Variants in LRPAP1 observed in about 807,000 individuals in gnomAD.
LRPAP1 encodes LDL receptor related protein associated protein 1, also known as alpha-2-macroglobulin receptor-associated protein.
Under a neutral mutation model 39.9 loss-of-function variants are expected in LRPAP1, and 41 were observed. The ratio of observed to expected loss-of-function variants is 1.03; its 90% CI spans 0.80 to 1.33. LRPAP1 has a LOEUF of 1.33. LRPAP1 is among the 40% of genes most tolerant of loss of function. The pLI, the probability that LRPAP1 is intolerant of heterozygous loss-of-function variation, is 0.00. For synonymous variants in LRPAP1, 263 were observed against 212.7 expected (o/e 1.24, Z -2.06); for missense variants, 565 against 482.3 (o/e 1.17, Z -1.61).
rs377265655 is a variant in LRPAP1, at chr4:3,516,263, G to A, written c.752-65C>T. 1.6e-5 allele frequency: 21 copies of A among 1,297,904 alleles called. No individual in the cohort carries two copies. In the East Asian group the frequency reaches 2.1e-4, roughly 13 times the overall value. The allele number at this position is 1,297,904 out of a possible 1,614,324, so 80.4% of individuals were successfully genotyped here. A position where few individuals can be genotyped will look rare whatever the true frequency, so the allele number is the denominator to read the frequency against. ...GGTGCACACCACAGCCAGCCCCGCGGCAACCACGCTGAGTGTGCGTGGAGC... is the reference window on the plus strand; with the variant it reads ...GGTGCACACCACAGCCAGCCCCGCGACAACCACGCTGAGTGTGCGTGGAGC... On this transcript the variant is annotated intron_variant, in intron 5 of 7. Coordinates refer to ENST00000650182, the MANE Select transcript of LRPAP1 (RefSeq NM_002337.4).
chr4:3,521,843 T>G (rs2108692513), intron 2 of LRPAP1, among the ~76,000 whole-genome samples: 1 of 152,276 alleles, frequency 6.6e-6, no homozygotes, highest in East Asian at 1.9e-4. Context: ...ATACCTGAAA[T>G]AACTATTTTA....
Position 3,506,608 on chromosome 4 carries a change from G to A in LRPAP1, c.*6366C>T, listed in dbSNP as rs901138812. On this transcript the variant is annotated 3_prime_UTR_variant, in exon 8 of 8. Coordinates refer to ENST00000650182, the MANE Select transcript of LRPAP1 (RefSeq NM_002337.4). ...GCTGGTCTCAAACTCCTGACCTCAC[G>A]TGATCCGCCCACCTCCACCTCCCAA... 3.3e-5 allele frequency: 5 copies of A among 151,918 alleles called. No individual in the cohort carries two copies. Among genetic ancestry groups the A allele is most frequent in the Admixed American group, 6.6e-5 (1 of 15,230 alleles). The allele number at this position is 151,918 out of a possible 1,614,324, so 9.4% of individuals were successfully genotyped here.
chr4:3,518,787 A>G (rs1729811580), intron 4 of LRPAP1, 84 bp downstream of exon 4: 12 of 897,636 alleles, frequency 1.3e-5, no homozygotes, highest in Non-Finnish European at 1.8e-5. Context: ...CTGCCCACTG[A>G]GCACAACGAG....
intron 2 of LRPAP1, among the ~76,000 whole-genome samples, chr4:3,522,650 T>C (rs1377570466): frequency 1.3e-4 from 13 of 99,726 alleles, no homozygotes; most frequent in South Asian, 3.7e-4. Context: ...ACCCCCTGCC[T>C]GGGGAGGACG....
At chr4:3,526,190 G>A (rs968306133) in intron 1 of LRPAP1, among the ~76,000 whole-genome samples, 1 of 152,194 alleles carries the variant, frequency 6.6e-6, no homozygotes, top group Non-Finnish European at 1.5e-5. Context: ...ACTGTGCAGT[G>A]CAGATCCCCA....
rs1466146455 is a variant in LRPAP1 at position 3,509,813 on chromosome 4, C to T, written c.*3161G>A. On this transcript the variant is annotated 3_prime_UTR_variant, in exon 8 of 8. Transcript: ENST00000650182. ...GACTGGAGTCACACACGGCAGTCAACGCGTGGACACTGGAGACTGTTGAGA... is the reference window on the plus strand; with the variant it reads ...GACTGGAGTCACACACGGCAGTCAATGCGTGGACACTGGAGACTGTTGAGA... The T allele has an allele frequency of 2.2e-5, 3 of 138,186 alleles. No individual in the cohort carries two copies. Among genetic ancestry groups the T allele is most frequent in the South Asian group, 2.5e-4 (1 of 3,980 alleles). 8.6% of individuals were successfully genotyped at this position (138,186 alleles called of 1,614,324 possible).
rs1280413181 is a variant in LRPAP1, at chr4:3,506,870, T to C, written c.*6104A>G. ...AAATAGCAAGCCAGAGGATCGGAAA[T>C]TATTCACAACACATATCTGAGGAAG... On this transcript the variant is annotated 3_prime_UTR_variant, in exon 8 of 8. Transcript: ENST00000650182. 6.6e-6 allele frequency: 1 copy of C among 152,138 alleles called. No individual in the cohort carries two copies. The highest frequency in any genetic ancestry group is 1.5e-5 in the Non-Finnish European group (1 of 68,012). The allele number at this position is 152,138 out of a possible 1,614,324, so 9.4% of individuals were successfully genotyped here. A position where few individuals can be genotyped will look rare whatever the true frequency, so the allele number is the denominator to read the frequency against.
Position 3,521,074 on chromosome 4 carries a change from C to A in LRPAP1, c.350-881G>T, listed in dbSNP as rs1729895443. On this transcript the variant is annotated intron_variant, in intron 2 of 7. Transcript: ENST00000650182. Reference sequence around the variant, plus strand: ...AGGCCCCAATTCCCACTTCCAAGTCCTGTGCTGTGGCTCTGTGTGACAGGC... The same window carrying A: ...AGGCCCCAATTCCCACTTCCAAGTCATGTGCTGTGGCTCTGTGTGACAGGC... Among the ~76,000 whole-genome samples the A allele has an allele frequency of 2.6e-5, 4 of 152,226 alleles. No homozygotes were observed. The South Asian group carries it at 8.3e-4, about 31-fold the overall frequency.
chr4:3,513,234 G>A (rs1729589249), intron 7 of LRPAP1, among the ~76,000 whole-genome samples, 198 bp from the exon 8 acceptor site: 1 of 152,234 alleles, frequency 6.6e-6, no homozygotes, highest in Non-Finnish European at 1.5e-5. Flanking sequence ...TCCCACCAAA[G>A]AACGCTAAGA....
chr4:3,521,613 T>C (rs1177973556), intron 2 of LRPAP1, among the ~76,000 whole-genome samples: 1 of 152,162 alleles, frequency 6.6e-6, no homozygotes, highest in South Asian at 2.1e-4. Context: ...GCCTGGGCCA[T>C]GGGGGTCTCA....
intron 1 of LRPAP1, among the ~76,000 whole-genome samples, chr4:3,527,436 G>A (rs1329857200): frequency 6.7e-6 from 1 of 149,020 alleles, no homozygotes; most frequent in African/African-American, 2.4e-5. Flanking sequence ...AGGAGGAGGG[G>A]GAGCCCACAC....
rs928770950 is a variant in LRPAP1, at chr4:3,532,282, G to A, written c.131C>T (p.Pro44Leu). The A allele has an allele frequency of 5.1e-6, 8 of 1,560,358 alleles. No individual in the cohort carries two copies. The highest frequency in any genetic ancestry group is 1.4e-5 in the African/African-American group (1 of 73,802). Residue 44 changes from proline (P) to leucine (L), a missense_variant, in exon 1 of 8, where the codon CCG becomes CTG. Coordinates refer to ENST00000650182, the MANE Select transcript of LRPAP1 (RefSeq NM_002337.4). ...CTCTCCGGACTCGCGTTTCGGGGAC[G>A]GCTTGGGCTGGTTCTTCTCCCGCGA... ...KYSREKNQPKPSPKRESGEEF... is the reference protein window; with the variant it reads ...KYSREKNQPKLSPKRESGEEF...
Position 3,522,617 on chromosome 4 carries a change from G to C in LRPAP1, c.349+2290C>G, listed in dbSNP as rs1308062409. On this transcript the variant is annotated intron_variant, in intron 2 of 7. Coordinates refer to ENST00000650182, the MANE Select transcript of LRPAP1 (RefSeq NM_002337.4). ...GGACGCCGCCCCACACCCCCTGCCT[G>C]GGGAGGACAGACGCCGCCCCACACC... Among the ~76,000 whole-genome samples the C allele has an allele frequency of 2.8e-5, 4 of 142,584 alleles. 1 individual carries two copies. The highest frequency in any genetic ancestry group is 1.0e-4 in the African/African-American group (4 of 38,422). The allele number at this position is 142,584 out of a possible 152,430, so 93.5% of individuals were successfully genotyped here. A position where few individuals can be genotyped will look rare whatever the true frequency, so the allele number is the denominator to read the frequency against.
At position 3,524,946 on chromosome 4, in the gene LRPAP1, C is replaced by A; in HGVS notation, c.310G>T (p.Asp104Tyr). The change falls in exon 2 of 8, where the codon GAT (aspartate) becomes TAT (tyrosine). Residue 104 changes from aspartate to tyrosine, a missense_variant. Coordinates refer to ENST00000650182, the MANE Select transcript of LRPAP1 (RefSeq NM_002337.4). Reference sequence around the variant, plus strand: ...ATGAGTCTCGCTTCCTTCTCCCCATCTTCGTCCAAGCCGTCAAGCTTTAGT... The same window carrying A: ...ATGAGTCTCGCTTCCTTCTCCCCATATTCGTCCAAGCCGTCAAGCTTTAGT... The part of the protein sequence containing the change: ...KKLKLDGLDE[D>Y]GEKEARLIRN... 6.2e-7 allele frequency: 1 copy of A among 1,614,218 alleles called. No individual in the cohort carries two copies. The highest frequency in any genetic ancestry group is 8.5e-7 in the Non-Finnish European group (1 of 1,180,040).
In LRPAP1 at chr4:3,511,607, A is replaced by AAATGGACACCAGCCT. The variant is rs1729516430; in HGVS notation, c.*1366_*1367insAGGCTGGTGTCCATT. 6.6e-6 allele frequency: 1 copy of AAATGGACACCAGCCT among 152,244 alleles called. No individual in the cohort carries two copies. Among genetic ancestry groups the AAATGGACACCAGCCT allele is most frequent in the Non-Finnish European group, 1.5e-5 (1 of 68,080 alleles). The allele number at this position is 152,244 out of a possible 1,614,324, so 9.4% of individuals were successfully genotyped here. A position where few individuals can be genotyped will look rare whatever the true frequency, so the allele number is the denominator to read the frequency against. ...TCCCGACATGCTGCCTCTAGCCTTG[A>AAATGGACACCAGCCT]CCTTTCTCAGAAATGATAGCTTAGC... On this transcript the variant is annotated 3_prime_UTR_variant, in exon 8 of 8. Transcript: ENST00000650182.
rs942890054 is a variant in LRPAP1 at position 3,506,796 on chromosome 4, C to A, written c.*6178G>T. ...AAAATAAAAAATAAAAATTAGATTT[C>A]ATCAAACTGGAAACCTTTGCTTTCC... On this transcript the variant is annotated 3_prime_UTR_variant, in exon 8 of 8. Coordinates refer to ENST00000650182, the MANE Select transcript of LRPAP1 (RefSeq NM_002337.4). 2.0e-5 allele frequency: 3 copies of A among 152,026 alleles called. No individual in the cohort carries two copies. Among genetic ancestry groups the A allele is most frequent in the African/African-American group, 7.2e-5 (3 of 41,446 alleles). 9.4% of individuals were successfully genotyped at this position (152,026 alleles called of 1,614,324 possible).
Position 3,511,741 on chromosome 4 carries a change from T to TGGACCCGGACCC in LRPAP1, c.*1221_*1232dup, listed in dbSNP as rs1015842035. On this transcript the variant is annotated 3_prime_UTR_variant, in exon 8 of 8. Coordinates refer to ENST00000650182, the MANE Select transcript of LRPAP1 (RefSeq NM_002337.4). ...CAAACACGGGAACCACGCTCGGAGC[T>TGGACCCGGACCC]GGACCCGGACCCGAGCCTCTTCCAG... is the stretch of plus-strand genomic sequence containing the variant. 7.2e-6 allele frequency: 1 copy of TGGACCCGGACCC among 138,208 alleles called. No individual in the cohort carries two copies. Among genetic ancestry groups the TGGACCCGGACCC allele is most frequent in the Non-Finnish European group, 1.6e-5 (1 of 63,308 alleles). The allele number at this position is 138,208 out of a possible 1,614,324, so 8.6% of individuals were successfully genotyped here. A position where few individuals can be genotyped will look rare whatever the true frequency, so the allele number is the denominator to read the frequency against.
intron 1 of LRPAP1, among the ~76,000 whole-genome samples, chr4:3,530,849 C>T (rs745443282): frequency 6.6e-6 from 1 of 152,164 alleles, no homozygotes; most frequent in Non-Finnish European, 1.5e-5. Context: ...AAGGGAGCCG[C>T]TGGGGTTCCT....
intron 1 of LRPAP1, chr4:3,531,971 G>A (rs1730268326): frequency 1.8e-6 from 1 of 570,700 alleles, no homozygotes; most frequent in Non-Finnish European, 3.1e-6. Context: ...CCCTCGGGGT[G>A]CCGGCCGCCA....
Sources: gnomAD v4.1 joint callset for allele counts (sites outside exome capture counted in the v4.1 genomes callset) on GRCh38, gnomAD v4.1.1 for gene constraint, MANE v1.5 for transcripts, NCBI Gene and HGNC (gene_info 2026-07-23, HGNC 2026-07-21) for gene names.